RAP1GAP: variants seen among roughly 807,000 people sequenced by gnomAD.
The protein encoded by RAP1GAP is rap1 GTPase-activating protein 1.
RAP1GAP carries 35 observed loss-of-function variants against 87.2 expected under a neutral mutation model. That is an observed-to-expected ratio of 0.40 (90% CI 0.31 to 0.53). The LOEUF (loss-of-function observed/expected upper bound fraction) is 0.53, where lower values mean the gene tolerates loss of function less well. Ranked by LOEUF, RAP1GAP falls within the 20% of genes least tolerant of loss-of-function variation. RAP1GAP has a pLI of 0.48. For synonymous variants in RAP1GAP, 375 were observed against 363.9 expected (o/e 1.03, Z -0.35); for missense variants, 734 against 898.9 (o/e 0.82, Z 2.35).
chr1:21,601,601 T>A (rs1009325843), intron 20 of RAP1GAP, 83 bp downstream of exon 20: 12 of 1,057,068 alleles, frequency 1.1e-5, no homozygotes, highest in East Asian at 1.0e-4. Context: ...AAGGCTCCTG[T>A]GCTGTCCCGG....
intron 18 of RAP1GAP, 64 bp downstream of exon 18, chr1:21,606,002 G>C (rs2074238228): frequency 6.6e-7 from 1 of 1,506,128 alleles, no homozygotes; most frequent in Non-Finnish European, 8.9e-7. Context: ...GGCCTCAGGA[G>C]GCAGAGGAGA....
At chr1:21,647,008 A>T (rs1299086426) in intron 2 of RAP1GAP, among the ~76,000 whole-genome samples, 1 of 152,166 alleles carries the variant, frequency 6.6e-6, no homozygotes, top group Admixed American at 6.5e-5. Context: ...GGGTGGGGGA[A>T]AATCACCTCC....
At chr1:21,597,589 C>A in intron 24 of RAP1GAP, 97 bp downstream of exon 24, 2 of 1,288,562 alleles carry the variant, frequency 1.6e-6, no homozygotes, top group Non-Finnish European at 2.1e-6. Flanking sequence ...TAGCTCCCAC[C>A]CCAGAGAGGT....
At chr1:21,614,720 C>T (rs777898431) in intron 7 of RAP1GAP, among the ~76,000 whole-genome samples, 1 of 152,142 alleles carries the variant, frequency 6.6e-6, no homozygotes, top group Non-Finnish European at 1.5e-5. Flanking sequence ...ATGGCACCCC[C>T]AGAGAGGAGC....
intron 1 of RAP1GAP, among the ~76,000 whole-genome samples, chr1:21,667,109 G>A (rs1336409723): frequency 6.6e-6 from 1 of 151,194 alleles, no homozygotes; most frequent in Non-Finnish European, 1.5e-5. Flanking sequence ...CACAGCACAT[G>A]CGGCTGCTCA....
In RAP1GAP at chr1:21,597,211, C is replaced by G. The variant is rs2148309075; in HGVS notation, c.*88G>C. On this transcript the variant is annotated 3_prime_UTR_variant, in exon 25 of 25. Transcript: ENST00000374765. ...TGGTGTTGGTCTTCAGGGCAGAGGTCTCGTCTGCCTGGGCTTGACACGGCA... is the reference window on the plus strand; with the variant it reads ...TGGTGTTGGTCTTCAGGGCAGAGGTGTCGTCTGCCTGGGCTTGACACGGCA... 1 of 155,692 alleles carries G rather than the reference C, an allele frequency of 6.4e-6. No homozygotes were observed. Among genetic ancestry groups the G allele is most frequent in the East Asian group, 1.9e-4 (1 of 5,242 alleles). 9.6% of individuals were successfully genotyped at this position (155,692 alleles called of 1,614,324 possible). A position where few individuals can be genotyped will look rare whatever the true frequency, so the allele number is the denominator to read the frequency against.
intron 1 of RAP1GAP, among the ~76,000 whole-genome samples, chr1:21,653,466 G>T (rs997217050): frequency 6.6e-6 from 1 of 152,064 alleles, no homozygotes; most frequent in East Asian, 1.9e-4. Flanking sequence ...GTAGAGTCCT[G>T]GGGGGAGGAA....
intron 2 of RAP1GAP, among the ~76,000 whole-genome samples, chr1:21,643,265 A>G (rs2151516816): frequency 6.6e-6 from 1 of 152,300 alleles, no homozygotes; most frequent in Middle Eastern, 3.4e-3. Flanking sequence ...GGCTATCAGA[A>G]AATCCCCTCC....
At chr1:21,651,093 G>C (rs1044002248) in intron 1 of RAP1GAP, among the ~76,000 whole-genome samples, 5 of 152,096 alleles carry the variant, frequency 3.3e-5, no homozygotes, top group Admixed American at 6.5e-5. Context: ...CCAAATCTCC[G>C]CAACAGGCAT....
chr1:21,651,941 C>G (rs1260753503), intron 1 of RAP1GAP: 1 of 869,796 alleles, frequency 1.1e-6, no homozygotes, highest in Non-Finnish European at 1.4e-6. Flanking sequence ...GATACGTCCG[C>G]GCCCCAGCGG....
At chr1:21,657,538 C>G (rs2096914003) in intron 1 of RAP1GAP, among the ~76,000 whole-genome samples, 3 of 152,194 alleles carry the variant, frequency 2.0e-5, no homozygotes, top group Non-Finnish European at 4.4e-5. Context: ...TGCTGCATCT[C>G]CAGGATTGCA....
Position 21,598,417 on chromosome 1 carries a change from C to G in RAP1GAP, c.1862G>C (p.Ser621Thr). The part of the protein sequence containing the change: ...TWLEDSVSTT[S>T]GGSSPGPSRS... ...CCTGGTACCTGGGGAGCTGCCCCCACTAGTGGTGCTGACACTGTCCTCCAG... is the reference window on the plus strand; with the variant it reads ...CCTGGTACCTGGGGAGCTGCCCCCAGTAGTGGTGCTGACACTGTCCTCCAG... Residue 621 changes from serine to threonine, a missense_variant, in exon 22 of 25, where the codon AGT (serine) becomes ACT (threonine). Coordinates refer to ENST00000374765, the MANE Select transcript of RAP1GAP (RefSeq NM_002885.4). The G allele has an allele frequency of 6.2e-7, 1 of 1,613,812 alleles. No individual in the cohort carries two copies.
At position 21,658,840 on chromosome 1, in the gene RAP1GAP, G is replaced by A. The variant is rs758687184; in HGVS notation, c.-148-9044C>T. On this transcript the variant is annotated intron_variant, in intron 1 of 24. Transcript: ENST00000374765. ...ACAGCATTCATGTAGGGAGGTGGAG[G>A]GCCTTTTTCATCTCTTATGCCAGTA... 3.5e-4 allele frequency among the ~76,000 whole-genome samples: 53 copies of A among 151,298 alleles called. 1 individual carries two copies. Among genetic ancestry groups the A allele is most frequent in the Admixed American group, 6.0e-4 (9 of 15,124 alleles).
Position 21,598,419 on chromosome 1 carries a change from A to C in RAP1GAP, c.1860T>G (p.Thr620=). The C allele has an allele frequency of 2.5e-6, 4 of 1,613,694 alleles. No individual in the cohort carries two copies. Among genetic ancestry groups the C allele is most frequent in the Non-Finnish European group, 3.4e-6 (4 of 1,179,654 alleles). Residue 620 remains threonine (T), a synonymous_variant, in exon 22 of 25, where the codon ACT becomes ACG. Transcript: ENST00000374765. ...TGGTACCTGGGGAGCTGCCCCCACTAGTGGTGCTGACACTGTCCTCCAGCC... is the reference window on the plus strand; with the variant it reads ...TGGTACCTGGGGAGCTGCCCCCACTCGTGGTGCTGACACTGTCCTCCAGCC... ...STWLEDSVST[T]SGGSSPGPSR... is the part of the protein sequence containing the mutation.
At chr1:21,610,320 C>T in intron 13 of RAP1GAP, 45 bp from the exon 14 acceptor site, 3 of 1,606,352 alleles carry the variant, frequency 1.9e-6, no homozygotes, top group Non-Finnish European at 2.6e-6. Flanking sequence ...CAGAGGGGGC[C>T]CATGGGGGAG....
chr1:21,602,841 T>C lies in RAP1GAP; in HGVS notation c.1501A>G (p.Ile501Val). 6.2e-7 allele frequency: 1 copy of C among 1,610,964 alleles called. No homozygotes were observed. The change falls in exon 19 of 25, where the codon ATT becomes GTT. Residue 501 changes from isoleucine to valine, a missense_variant. Around this residue, in one of 2 missense-constraint regions of RAP1GAP, gnomAD observed 249 missense variants for 252.7 expected, o/e 0.99. Transcript: ENST00000374765. ...ACCTCCTGTATGTTCTCGATGCCAA[T>C]GGCGCTGCTGCGGCGGGAGCCGAAC... ...GPFGSRRSSA[I>V]GIENIQEVQE...
Position 21,613,834 on chromosome 1 carries a change from G to T in RAP1GAP, c.396-128C>A. On this transcript the variant is annotated intron_variant, in intron 8 of 24. Coordinates refer to ENST00000374765, the MANE Select transcript of RAP1GAP (RefSeq NM_002885.4). The surrounding 1 kb of genome is among the most constrained non-coding windows in gnomAD (Gnocchi z 4.7). ...GGACCAGAGGTGATGATGGGTGTCAGGCTGACTCGGGTACTAACTTGCTGT... is the reference window on the plus strand; with the variant it reads ...GGACCAGAGGTGATGATGGGTGTCATGCTGACTCGGGTACTAACTTGCTGT... 3.5e-6 allele frequency: 4 copies of T among 1,148,386 alleles called. No individual in the cohort carries two copies. The highest frequency in any genetic ancestry group is 2.4e-5 in the East Asian group (1 of 41,326). 71.1% of individuals were successfully genotyped at this position (1,148,386 alleles called of 1,614,324 possible).
rs573594381 is a variant in RAP1GAP, at chr1:21,610,558, T to C, written c.844-283A>G. Among the ~76,000 whole-genome samples the C allele has an allele frequency of 1.9e-4, 29 of 152,344 alleles. No individual in the cohort carries two copies. In the Middle Eastern group the frequency reaches 0.01, roughly 54 times the overall value. On this transcript the variant is annotated intron_variant, in intron 13 of 24. Coordinates refer to ENST00000374765, the MANE Select transcript of RAP1GAP (RefSeq NM_002885.4). ...TAACCAAAACCCACTTGTACCTGGATATCTATTGAAATTACAAGAAAAATT... is the reference window on the plus strand; with the variant it reads ...TAACCAAAACCCACTTGTACCTGGACATCTATTGAAATTACAAGAAAAATT...
chr1:21,597,280 G>T lies in RAP1GAP; in HGVS notation c.*35-16C>A. Reference sequence around the variant, plus strand: ...GTGGCCTCATCTGCAGGGCAAAGGGGGATGGAGACACCATGAAACATGGCA... The same window carrying T: ...GTGGCCTCATCTGCAGGGCAAAGGGTGATGGAGACACCATGAAACATGGCA... On this transcript the variant is annotated splice_polypyrimidine_tract_variant and intron_variant, in intron 24 of 24. Transcript: ENST00000374765. The T allele has an allele frequency of 5.6e-6, 1 of 179,824 alleles. No homozygotes were observed. The highest frequency in any genetic ancestry group is 1.2e-5 in the Non-Finnish European group (1 of 85,114). The allele number at this position is 179,824 out of a possible 1,614,324, so 11.1% of individuals were successfully genotyped here. A position where few individuals can be genotyped will look rare whatever the true frequency, so the allele number is the denominator to read the frequency against.
Sources: gnomAD v4.1 joint callset for allele counts (sites outside exome capture counted in the v4.1 genomes callset) on GRCh38, gnomAD v4.1.1 for gene constraint, gnomAD v4.1.1 regional missense constraint, Gnocchi (gnomAD v3.1) non-coding constraint, MANE v1.5 for transcripts, NCBI Gene and HGNC (gene_info 2026-07-23, HGNC 2026-07-21) for gene names.